The following VASH2 variants were observed in gnomAD, a reference collection of about 807,000 sequenced individuals.
The protein encoded by VASH2 is tubulinyl-Tyr carboxypeptidase 2.
In VASH2, 28 loss-of-function variants were observed where a neutral mutation model predicts 37.2. The ratio of observed to expected loss-of-function variants is 0.75; its 90% CI spans 0.56 to 1.03. The LOEUF (loss-of-function observed/expected upper bound fraction) is 1.03. Ranked by LOEUF, VASH2 falls within the 50% of genes least tolerant of loss-of-function variation. The probability of loss-of-function intolerance (pLI) is 0.00; values close to 1 mark genes in which losing one functional copy is unlikely to be tolerated. For missense variants in VASH2, 419 were observed against 459.1 expected (o/e 0.91, Z 0.80); for synonymous variants, 188 against 174.7 (o/e 1.08, Z -0.60).
intron 3 of VASH2, among the ~76,000 whole-genome samples, chr1:212,964,212 G>A (rs1228681720): frequency 6.6e-6 from 1 of 152,190 alleles, no homozygotes; most frequent in East Asian, 1.9e-4. Flanking sequence ...CCCAGAATCT[G>A]CTTATACTGA....
rs1485110118 is a variant in VASH2, at chr1:212,971,909, G to C, written c.498-671G>C. ...CAGGCCAGTGCTGTGCCCAGGGAATGCCAGGATGTGAGACACAACCCCCGC... is the reference window on the plus strand; with the variant it reads ...CAGGCCAGTGCTGTGCCCAGGGAATCCCAGGATGTGAGACACAACCCCCGC... On this transcript the variant is annotated intron_variant, in intron 5 of 7. Coordinates refer to ENST00000517399, the MANE Select transcript of VASH2 (RefSeq NM_001301056.2). The surrounding 1 kb of genome is among the most constrained non-coding windows in gnomAD (Gnocchi z 4.0). Among the ~76,000 whole-genome samples, 1 of 152,122 alleles carries C rather than the reference G, an allele frequency of 6.6e-6. No homozygotes were observed. The highest frequency in any genetic ancestry group is 1.5e-5 in the Non-Finnish European group (1 of 68,022).
chr1:212,972,884 G>A lies in VASH2; in HGVS notation c.802G>A (p.Val268Ile), dbSNP rs914105883. 6.8e-6 allele frequency: 11 copies of A among 1,614,050 alleles called. No individual in the cohort carries two copies. Among genetic ancestry groups the A allele is most frequent in the Non-Finnish European group, 9.3e-6 (11 of 1,180,048 alleles). Residue 268 changes from valine (V) to isoleucine (I), a missense_variant, in exon 6 of 8, where the codon GTC (valine) becomes ATC (isoleucine). Physicochemically the swap from Val to Ile is conservative, Grantham distance 29. This residue lies in a region of VASH2 where 177 missense variants were observed against 166.2 expected (regional missense o/e 1.06). Coordinates refer to ENST00000517399, the MANE Select transcript of VASH2 (RefSeq NM_001301056.2). ...SFQPIEWKQL[V>I]LNVSKMLRAD... ...CCAGCCCATTGAGTGGAAGCAGCTG[G>A]TCCTCAACGTCTCAAAGATGCTGAG... is the stretch of plus-strand genomic sequence containing the variant.
chr1:212,981,363 A>T (rs1437542265), intron 7 of VASH2, among the ~76,000 whole-genome samples: 1 of 152,138 alleles, frequency 6.6e-6, no homozygotes, highest in Admixed American at 6.5e-5. Context: ...GCCTGGAATG[A>T]AGGTGACAGG....
In VASH2 at chr1:212,990,043, G is replaced by T. The variant is rs768021069; in HGVS notation, c.*1459G>T. ...CTCCTCTGGCTTTCTTTGACTGAAG[G>T]TGTTTATAGGAAGGAAGTTAAAAAA... On this transcript the variant is annotated 3_prime_UTR_variant, in exon 8 of 8. Coordinates refer to ENST00000517399, the MANE Select transcript of VASH2 (RefSeq NM_001301056.2). 7.9e-5 allele frequency: 12 copies of T among 151,648 alleles called. No individual in the cohort carries two copies. The highest frequency in any genetic ancestry group is 1.8e-4 in the Non-Finnish European group (12 of 67,958). 9.4% of individuals were successfully genotyped at this position (151,648 alleles called of 1,614,324 possible).
chr1:212,991,345 T>C lies in VASH2; in HGVS notation c.*2761T>C, dbSNP rs1224489161. 1 of 152,248 alleles carries C rather than the reference T, an allele frequency of 6.6e-6. No homozygotes were observed. The highest frequency in any genetic ancestry group is 1.5e-5 in the Non-Finnish European group (1 of 68,042). The allele number at this position is 152,248 out of a possible 1,614,324, so 9.4% of individuals were successfully genotyped here. On this transcript the variant is annotated 3_prime_UTR_variant, in exon 8 of 8. Transcript: ENST00000517399. ...TTATGTACAACCTTGTACAGTTTTT[T>C]TGACATACAATTCAGAACTTTGTTT... is the stretch of plus-strand genomic sequence containing the variant.
intron 7 of VASH2, among the ~76,000 whole-genome samples, chr1:212,987,938 G>T (rs938053452): frequency 2.6e-5 from 4 of 152,216 alleles, no homozygotes; most frequent in African/African-American, 9.6e-5. Flanking sequence ...TGTTGGAAGT[G>T]ACTTTAGCAC....
At chr1:212,988,159 G>A (rs1391831151) in intron 7 of VASH2, among the ~76,000 whole-genome samples, 2 of 152,140 alleles carry the variant, frequency 1.3e-5, no homozygotes. Flanking sequence ...TCAGATTCTT[G>A]GCTCTACTGT....
intron 6 of VASH2, 118 bp downstream of exon 6, chr1:212,973,079 G>C (rs771021829): frequency 3.1e-4 from 417 of 1,331,938 alleles, no homozygotes; most frequent in Non-Finnish European, 4.1e-4. Flanking sequence ...TGAGGTTAAA[G>C]TCTCTCTTTG....
At chr1:212,984,661 G>A (rs2102661015) in intron 7 of VASH2, among the ~76,000 whole-genome samples, 1 of 152,358 alleles carries the variant, frequency 6.6e-6, no homozygotes, top group East Asian at 1.9e-4. Flanking sequence ...GGCAACATAT[G>A]TAAGAAAGCT....
intron 5 of VASH2, chr1:212,967,552 AC>A (rs1666887964): frequency 1.6e-6 from 1 of 630,670 alleles, no homozygotes; most frequent in Non-Finnish European, 2.1e-6. Flanking sequence ...GCAATGGGCA[AC>A]CCAGATGAAA....
chr1:212,988,769 T>C lies in VASH2; in HGVS notation c.*185T>C, dbSNP rs2075825310. 2 of 631,568 alleles carry C rather than the reference T, an allele frequency of 3.2e-6. No individual in the cohort carries two copies. The highest frequency in any genetic ancestry group is 3.8e-5 in the South Asian group (2 of 52,450). The allele number at this position is 631,568 out of a possible 1,614,324, so 39.1% of individuals were successfully genotyped here. On this transcript the variant is annotated 3_prime_UTR_variant, in exon 8 of 8. Coordinates refer to ENST00000517399, the MANE Select transcript of VASH2 (RefSeq NM_001301056.2). Reference sequence around the variant, plus strand: ...TTAAAAAATTCACTAAAAGGCACCATGAAAAGGCTGAAGTAATAAGCCCCA... The same window carrying C: ...TTAAAAAATTCACTAAAAGGCACCACGAAAAGGCTGAAGTAATAAGCCCCA...
Position 212,972,679 on chromosome 1 carries a change from C to G in VASH2, c.597C>G (p.Tyr199Ter). The change falls in exon 6 of 8, where the codon TAC becomes TAG. Residue 199 changes from tyrosine (Y) to a stop codon, truncating the protein, a stop_gained. Transcript: ENST00000517399. LOFTEE classifies it high-confidence loss of function. The part of the protein sequence containing the change: ...NYFHHVVLGI[Y>*]CNGRYGSLGM... ...TTCACCACGTTGTGCTGGGGATTTA[C>G]TGCAATGGCCGCTATGGCTCATTGG... 6.2e-7 allele frequency: 1 copy of G among 1,614,224 alleles called. No individual in the cohort carries two copies. The highest frequency in any genetic ancestry group is 8.5e-7 in the Non-Finnish European group (1 of 1,180,038).
chr1:212,972,661 C>G lies in VASH2; in HGVS notation c.579C>G (p.His193Gln), dbSNP rs752607883. ...KTYFSGNYFH[H>Q]VVLGIYCNGR... The stretch of plus-strand genomic sequence containing the variant: ...ACTTCTCAGGAAACTACTTTCACCA[C>G]GTTGTGCTGGGGATTTACTGCAATG... The change falls in exon 6 of 8, where the codon CAC (histidine) becomes CAG (glutamine). Residue 193 changes from histidine (H) to glutamine (Q), a missense_variant. His to Gln is a conservative substitution (Grantham distance 24). Around this residue, in one of 3 missense-constraint regions of VASH2, gnomAD observed 84 missense variants for 129.9 expected, o/e 0.65. Transcript: ENST00000517399. 1 of 1,614,102 alleles carries G rather than the reference C, an allele frequency of 6.2e-7. No homozygotes were observed. The highest frequency in any genetic ancestry group is 1.3e-5 in the African/African-American group (1 of 74,926).
intron 7 of VASH2, among the ~76,000 whole-genome samples, chr1:212,984,154 G>A (rs1477215847): frequency 5.3e-5 from 8 of 152,176 alleles, no homozygotes; most frequent in Admixed American, 1.3e-4. Context: ...GTGCAAGTGC[G>A]AGGGAAAAGA....
At chr1:212,954,003 G>T (rs982120574) in intron 2 of VASH2, among the ~76,000 whole-genome samples, 1 of 151,920 alleles carries the variant, frequency 6.6e-6, no homozygotes, top group African/African-American at 2.4e-5. Context: ...CAACCTCCCA[G>T]GCTCAAGCAA....
rs2075831816 is a variant in VASH2 at position 212,989,263 on chromosome 1, T to G, written c.*679T>G. 1 of 152,350 alleles carries G rather than the reference T, an allele frequency of 6.6e-6. No homozygotes were observed. Among genetic ancestry groups the G allele is most frequent in the Non-Finnish European group, 1.5e-5 (1 of 68,046 alleles). The allele number at this position is 152,350 out of a possible 1,614,324, so 9.4% of individuals were successfully genotyped here. A position where few individuals can be genotyped will look rare whatever the true frequency, so the allele number is the denominator to read the frequency against. Reference sequence around the variant, plus strand: ...TTTCAGGATCTTGGAGTTACTTCCTTCTTAATCTTTCTTAAAGCATTCACT... The same window carrying G: ...TTTCAGGATCTTGGAGTTACTTCCTGCTTAATCTTTCTTAAAGCATTCACT... On this transcript the variant is annotated 3_prime_UTR_variant, in exon 8 of 8. Coordinates refer to ENST00000517399, the MANE Select transcript of VASH2 (RefSeq NM_001301056.2).
At position 212,987,031 on chromosome 1, in the gene VASH2, CAGAGAGAGAG is replaced by C. The variant is rs10601750; in HGVS notation, c.996-1465_996-1456del. Among the ~76,000 whole-genome samples, 24 of 148,544 alleles carry C rather than the reference CAGAGAGAGAG, an allele frequency of 1.6e-4. No homozygotes were observed. The South Asian group carries it at 3.6e-3, about 23-fold the overall frequency. The stretch of plus-strand genomic sequence containing the variant: ...TGTTGATGACTATTCCTTCCCATTT[CAGAGAGAGAG>C]AGAGAGAGAGAGAGAAAAGGGGTAG... On this transcript the variant is annotated intron_variant, in intron 7 of 7. Coordinates refer to ENST00000517399, the MANE Select transcript of VASH2 (RefSeq NM_001301056.2).
At position 212,973,881 on chromosome 1, in the gene VASH2, G is replaced by A; in HGVS notation, c.880-74G>A. On this transcript the variant is annotated intron_variant, in intron 6 of 7. Transcript: ENST00000517399. Reference sequence around the variant, plus strand: ...TCATGATTGGGCTGGGGGGTGGAATGTGGTGCTAGAAGAAGACCTGAGGGT... The same window carrying A: ...TCATGATTGGGCTGGGGGGTGGAATATGGTGCTAGAAGAAGACCTGAGGGT... 2.6e-6 allele frequency: 4 copies of A among 1,540,320 alleles called. No individual in the cohort carries two copies. The South Asian group carries it at 4.9e-5, about 19-fold the overall frequency.
chr1:212,977,850 T>G (rs1667224006), intron 7 of VASH2, among the ~76,000 whole-genome samples: 7 of 152,230 alleles, frequency 4.6e-5, no homozygotes, highest in Admixed American at 4.6e-4. Context: ...CTGATCCTGC[T>G]GGTCCGGGGA....
Sources: gnomAD v4.1 joint callset for allele counts (sites outside exome capture counted in the v4.1 genomes callset) on GRCh38, gnomAD v4.1.1 for gene constraint, gnomAD v4.1.1 regional missense constraint, Gnocchi (gnomAD v3.1) non-coding constraint, MANE v1.5 for transcripts, NCBI Gene and HGNC (gene_info 2026-07-23, HGNC 2026-07-21) for gene names.